TRPC6: variants seen among roughly 807,000 people sequenced by gnomAD.
The protein encoded by TRPC6 is short transient receptor potential channel 6.
Under a neutral mutation model 90.7 loss-of-function variants are expected in TRPC6, and 55 were observed. That is an observed-to-expected ratio of 0.61 (90% CI 0.49 to 0.76). The LOEUF is 0.76. Among genes scored for constraint, TRPC6 ranks in the 30% least tolerant of loss-of-function variants. The pLI, the probability that TRPC6 is intolerant of heterozygous loss-of-function variation, is 0.00. For missense variants in TRPC6, 989 were observed against 1,122.7 expected (o/e 0.88, Z 1.70); for synonymous variants, 393 against 393.0 (o/e 1.00, Z 0.00).
At chr11:101,524,691 G>C (rs1043403976) in intron 1 of TRPC6, among the ~76,000 whole-genome samples, 7 of 152,196 alleles carry the variant, frequency 4.6e-5, no homozygotes, top group African/African-American at 1.2e-4. Flanking sequence ...ACAGTGAGTA[G>C]TAGGTAGTAG....
chr11:101,505,752 C>T (rs780105903), intron 1 of TRPC6, among the ~76,000 whole-genome samples: 4 of 152,122 alleles, frequency 2.6e-5, no homozygotes, highest in African/African-American at 4.8e-5. Context: ...CTATGGCTCA[C>T]GCCTATAATC....
chr11:101,455,904 TATAA>T (rs943245400), intron 10 of TRPC6, among the ~76,000 whole-genome samples: 20 of 152,282 alleles, frequency 1.3e-4, no homozygotes, highest in African/African-American at 4.8e-4. Context: ...AGGCTCTGTG[TATAA>T]ATGAACATAA....
intron 1 of TRPC6, among the ~76,000 whole-genome samples, chr11:101,523,207 T>C (rs1187261004): frequency 6.6e-6 from 1 of 152,208 alleles, no homozygotes; most frequent in Non-Finnish European, 1.5e-5. Context: ...TTTCTGGCAG[T>C]GGTTTTAGAC....
At chr11:101,541,105 G>A (rs1276888465) in intron 1 of TRPC6, among the ~76,000 whole-genome samples, 2 of 152,150 alleles carry the variant, frequency 1.3e-5, no homozygotes, top group Non-Finnish European at 2.9e-5. Context: ...GTATATTAAT[G>A]TTCATAAGTA....
Position 101,476,588 on chromosome 11 carries a change from T to C in TRPC6, c.1511-54A>G. 3.3e-6 allele frequency: 5 copies of C among 1,501,734 alleles called. No individual in the cohort carries two copies. The South Asian group carries it at 5.6e-5, about 17-fold the overall frequency. 93.0% of individuals were successfully genotyped at this position (1,501,734 alleles called of 1,614,324 possible). A position where few individuals can be genotyped will look rare whatever the true frequency, so the allele number is the denominator to read the frequency against. The stretch of plus-strand genomic sequence containing the variant: ...TTCAATCGCATTCAGCCTTAGCTGT[T>C]CTATAAAACAAAATATGTTTGAAAG... On this transcript the variant is annotated intron_variant, in intron 5 of 12. Transcript: ENST00000344327.
chr11:101,467,675 T>G (rs899548814), intron 10 of TRPC6, among the ~76,000 whole-genome samples: 15 of 152,240 alleles, frequency 9.9e-5, no homozygotes, highest in African/African-American at 3.4e-4. Context: ...GTAGGCTTCT[T>G]CTGTAAAGAG....
chr11:101,542,934 A>G (rs992656254), intron 1 of TRPC6, among the ~76,000 whole-genome samples: 2 of 152,150 alleles, frequency 1.3e-5, no homozygotes, highest in South Asian at 2.1e-4. Flanking sequence ...CAAAATTGGT[A>G]AACAGTTCTT....
intron 1 of TRPC6, among the ~76,000 whole-genome samples, chr11:101,516,611 T>C (rs561778563): frequency 6.6e-6 from 1 of 152,182 alleles, no homozygotes; most frequent in South Asian, 2.1e-4. Flanking sequence ...GGAAGGGAAA[T>C]ACTGCCACTG....
chr11:101,479,248 C>A (rs1018106320), intron 5 of TRPC6, among the ~76,000 whole-genome samples: 2 of 152,224 alleles, frequency 1.3e-5, no homozygotes, highest in African/African-American at 2.4e-5. Context: ...CCTGGACTGC[C>A]GTCCTCTCCT....
At chr11:101,557,763 A>G (rs1861592861) in intron 1 of TRPC6, among the ~76,000 whole-genome samples, 1 of 152,164 alleles carries the variant, frequency 6.6e-6, no homozygotes, top group Non-Finnish European at 1.5e-5. Context: ...AATCTCATTT[A>G]CAATCTCTAC....
At chr11:101,498,497 A>G (rs1565217879) in intron 2 of TRPC6, among the ~76,000 whole-genome samples, 1 of 152,096 alleles carries the variant, frequency 6.6e-6, no homozygotes, top group Non-Finnish European at 1.5e-5. Context: ...ATGAGTAACA[A>G]AACACTTAGG....
chr11:101,511,898 C>A (rs11224808), intron 1 of TRPC6, among the ~76,000 whole-genome samples: 13,696 of 151,960 alleles, frequency 0.09, 797 homozygotes, highest in East Asian at 0.17. Context: ...GAGGCTGAGG[C>A]GAGAGAATAG....
At chr11:101,492,129 A>G (rs1859841433) in intron 2 of TRPC6, among the ~76,000 whole-genome samples, 1 of 151,638 alleles carries the variant, frequency 6.6e-6, no homozygotes, top group Admixed American at 6.6e-5. Context: ...GTGAGCCACC[A>G]TGCCCAGCCG....
chr11:101,572,388 G>C (rs551385230), intron 1 of TRPC6, among the ~76,000 whole-genome samples: 14 of 152,290 alleles, frequency 9.2e-5, no homozygotes, highest in African/African-American at 3.4e-4. Flanking sequence ...TGGAGAAATA[G>C]GAACACTTTT....
chr11:101,491,599 T>C lies in TRPC6; in HGVS notation c.1085A>G (p.Asn362Ser), dbSNP rs1859812627. The C allele has an allele frequency of 5.6e-6, 9 of 1,613,834 alleles. No homozygotes were observed. Among genetic ancestry groups the C allele is most frequent in the Non-Finnish European group, 7.6e-6 (9 of 1,179,962 alleles). ...AATGGCAAGTTTTAAACGGCTGAGATTTGGGCGACCGTGATCACCACTCTG... is the reference window on the plus strand; with the variant it reads ...AATGGCAAGTTTTAAACGGCTGAGACTTGGGCGACCGTGATCACCACTCTG... ...TLQSGDHGRP[N>S]LSRLKLAIKY... The change falls in exon 3 of 13, where the codon AAT (asparagine) becomes AGT (serine). Residue 362 changes from asparagine to serine, a missense_variant. Asn to Ser is a conservative substitution (Grantham distance 46). This residue lies in a region of TRPC6 where 486 missense variants were observed against 591.9 expected (regional missense o/e 0.82). Transcript: ENST00000344327.
At chr11:101,564,234 T>C (rs534193487) in intron 1 of TRPC6, among the ~76,000 whole-genome samples, 12 of 152,336 alleles carry the variant, frequency 7.9e-5, no homozygotes, top group African/African-American at 2.6e-4. Flanking sequence ...TAAGTTTTGT[T>C]GTTTATGTGA....
intron 1 of TRPC6, among the ~76,000 whole-genome samples, chr11:101,548,167 T>A (rs2136833838): frequency 6.7e-6 from 1 of 150,228 alleles, no homozygotes; most frequent in South Asian, 2.1e-4. Flanking sequence ...TAAAATATTC[T>A]CTCTTTTCAC....
intron 1 of TRPC6, among the ~76,000 whole-genome samples, chr11:101,566,271 C>G (rs1861826940): frequency 6.6e-6 from 1 of 152,126 alleles, no homozygotes; most frequent in Admixed American, 6.5e-5. Context: ...CTTACCCATT[C>G]TTTTCTAACT....
intron 10 of TRPC6, among the ~76,000 whole-genome samples, chr11:101,466,248 C>T (rs7930422): frequency 0.31 from 47,043 of 152,120 alleles, 9,493 homozygotes; most frequent in African/African-American, 0.58. Context: ...CTGGTAGATC[C>T]GCTGCTCTTT....
Sources: allele counts gnomAD v4.1 joint callset (sites outside exome capture counted in the v4.1 genomes callset), GRCh38; gene constraint gnomAD v4.1.1; regional missense constraint gnomAD v4.1.1; transcripts MANE v1.5; gene names NCBI Gene and HGNC (gene_info 2026-07-23, HGNC 2026-07-21).